TLE3: variants seen among roughly 807,000 people sequenced by gnomAD.
TLE3 encodes the protein transducin-like enhancer protein 3.
A neutral mutation model predicts 93.0 loss-of-function variants in TLE3; 14 were observed. That is an observed-to-expected ratio of 0.15 (90% CI 0.10 to 0.24). The LOEUF (loss-of-function observed/expected upper bound fraction) is 0.24. Ranked by LOEUF, TLE3 falls within the 10% of genes least tolerant of loss-of-function variation. The pLI, the probability that TLE3 is intolerant of heterozygous loss-of-function variation, is 1.00. For missense variants in TLE3, 693 were observed against 1,046.6 expected (o/e 0.66, Z 4.66); for synonymous variants, 451 against 425.0 (o/e 1.06, Z -0.75).
Position 70,049,817 on chromosome 15 carries a change from C to T in TLE3, c.*280G>A. Reference sequence around the variant, plus strand: ...GAGCGGGTCTGTGGGGGAACCGGAGCCATAAGCCTCCAATAAATCTATTTG... The same window carrying T: ...GAGCGGGTCTGTGGGGGAACCGGAGTCATAAGCCTCCAATAAATCTATTTG... On this transcript the variant is annotated 3_prime_UTR_variant, in exon 20 of 20. Transcript: ENST00000451782. 3.0e-6 allele frequency: 1 copy of T among 337,514 alleles called. No individual in the cohort carries two copies. Among genetic ancestry groups the T allele is most frequent in the Non-Finnish European group, 5.6e-6 (1 of 177,538 alleles). The allele number at this position is 337,514 out of a possible 1,614,324, so 20.9% of individuals were successfully genotyped here. A position where few individuals can be genotyped will look rare whatever the true frequency, so the allele number is the denominator to read the frequency against.
intron 3 of TLE3, chr15:70,095,324 T>C (rs2058500060): frequency 2.1e-6 from 3 of 1,399,462 alleles, no homozygotes; most frequent in Non-Finnish European, 2.8e-6. Context: ...TAAAGGCACA[T>C]AAAGATAGTA....
At chr15:70,055,360 C>G in intron 14 of TLE3, 62 bp from the exon 15 acceptor site, 16 of 1,525,496 alleles carry the variant, frequency 1.0e-5, no homozygotes, top group Non-Finnish European at 1.4e-5. Flanking sequence ...TTCCCATAGG[C>G]CTGGCCCAGG....
rs1372131947 is a variant in TLE3 at position 70,049,701 on chromosome 15, C to T, written c.*396G>A. On this transcript the variant is annotated 3_prime_UTR_variant, in exon 20 of 20. Transcript: ENST00000451782. ...AATCGGCAAAGAGAGACCCCCCCAT[C>T]CCCCAGCACAACATTGTGGTCCACT... The T allele has an allele frequency of 1.1e-5, 2 of 181,480 alleles. No homozygotes were observed. Among genetic ancestry groups the T allele is most frequent in the Middle Eastern group, 2.5e-3 (1 of 408 alleles). 11.2% of individuals were successfully genotyped at this position (181,480 alleles called of 1,614,324 possible).
At chr15:70,064,042 T>C (rs1027824801) in intron 8 of TLE3, among the ~76,000 whole-genome samples, 2 of 152,208 alleles carry the variant, frequency 1.3e-5, no homozygotes, top group Non-Finnish European at 2.9e-5. Context: ...GATCCAGGGC[T>C]GGTCAGCTGA....
chr15:70,095,590 G>C lies in TLE3; in HGVS notation c.177C>G (p.Arg59=). 1 of 1,551,470 alleles carries C rather than the reference G, an allele frequency of 6.4e-7. No individual in the cohort carries two copies. Among genetic ancestry groups the C allele is most frequent in the Non-Finnish European group, 8.7e-7 (1 of 1,146,864 alleles). The change falls in exon 3 of 20, where the codon CGC becomes CGG. Residue 59 remains arginine (R), a synonymous_variant. Transcript: ENST00000451782. ...GGCCGCATCTCACCATCACATAATG[G>C]CGCTGCATCTCCGTCTTCTCGTTTG... ...KLANEKTEMQ[R]HYVMYYEMSY...
chr15:70,086,816 G>A (rs78194834), intron 4 of TLE3, among the ~76,000 whole-genome samples: 4,151 of 152,136 alleles, frequency 0.027, 194 homozygotes, highest in African/African-American at 0.095. Context: ...TGTCTCTTCC[G>A]CATCTCTGCT....
Position 70,066,002 on chromosome 15 carries a change from G to GGCCCCCCC in TLE3, c.577+11_577+12insGGGGGGGC. On this transcript the variant is annotated intron_variant, in intron 7 of 19. Transcript: ENST00000451782. ...CTGCCCCGCCCCACCCTCTGCCCCA[G>GGCCCCCCC]CCCAGCCGCACCTCTGTGATCGAGT... The GGCCCCCCC allele has an allele frequency of 5.2e-6, 4 of 765,988 alleles. No homozygotes were observed. The highest frequency in any genetic ancestry group is 8.6e-6 in the Non-Finnish European group (4 of 466,000). The allele number at this position is 765,988 out of a possible 1,614,324, so 47.4% of individuals were successfully genotyped here.
At chr15:70,060,025 C>T (rs549154041) in intron 9 of TLE3, among the ~76,000 whole-genome samples, 6 of 152,366 alleles carry the variant, frequency 3.9e-5, no homozygotes, top group African/African-American at 1.2e-4. Flanking sequence ...TCCCAGCTCT[C>T]AGCCCTGCAC....
chr15:70,062,408 T>C (rs2056549377), intron 8 of TLE3, among the ~76,000 whole-genome samples: 1 of 152,220 alleles, frequency 6.6e-6, no homozygotes, highest in Admixed American at 6.5e-5. Flanking sequence ...CGGCTGCTCG[T>C]GTTTCTCCTC....
In TLE3 at chr15:70,097,451, G is replaced by A. The variant is rs1289061254; in HGVS notation, c.-653C>T. 1 of 417,744 alleles carries A rather than the reference G, an allele frequency of 2.4e-6. No homozygotes were observed. Among genetic ancestry groups the A allele is most frequent in the Admixed American group, 4.3e-5 (1 of 23,006 alleles). 25.9% of individuals were successfully genotyped at this position (417,744 alleles called of 1,614,324 possible). On this transcript the variant is annotated 5_prime_UTR_variant, in exon 1 of 20. Transcript: ENST00000451782. ...GCCTGCTGTTCCGTCTGCTACTGCC[G>A]CTGCCGCCGCCGCCGCCGCCGCTGC... is the stretch of plus-strand genomic sequence containing the variant.
In TLE3 at chr15:70,097,793, C is replaced by T. The variant is rs940767321; in HGVS notation, c.-995G>A. On this transcript the variant is annotated 5_prime_UTR_variant, in exon 1 of 20. Transcript: ENST00000451782. The stretch of plus-strand genomic sequence containing the variant: ...CACACACACCCAACACACACACACG[C>T]GCGCACGCACACACACACACACCAA... 1.6e-5 allele frequency: 6 copies of T among 368,708 alleles called. No individual in the cohort carries two copies. Among genetic ancestry groups the T allele is most frequent in the African/African-American group, 2.4e-5 (1 of 41,672 alleles). The allele number at this position is 368,708 out of a possible 1,614,324, so 22.8% of individuals were successfully genotyped here. A position where few individuals can be genotyped will look rare whatever the true frequency, so the allele number is the denominator to read the frequency against.
chr15:70,054,613 T>C lies in TLE3; in HGVS notation c.1651A>G (p.Ser551Gly). 1 of 1,612,440 alleles carries C rather than the reference T, an allele frequency of 6.2e-7. No homozygotes were observed. Among genetic ancestry groups the C allele is most frequent in the Non-Finnish European group, 8.5e-7 (1 of 1,179,106 alleles). ...GRTLIVGGEA[S>G]TLTIWDLASP... ...GCCAGGTCCCAGATGGTGAGCGTGCTGGCCTCGCCGCCCACGATGAGCGTG... is the reference window on the plus strand; with the variant it reads ...GCCAGGTCCCAGATGGTGAGCGTGCCGGCCTCGCCGCCCACGATGAGCGTG... Residue 551 changes from serine to glycine, a missense_variant, in exon 16 of 20, where the codon AGC (serine) becomes GGC (glycine). Transcript: ENST00000451782.
rs1188904643 is a variant in TLE3, at chr15:70,064,461, G to A, written c.587C>T (p.Ser196Phe). The A allele has an allele frequency of 1.9e-6, 3 of 1,613,772 alleles. No individual in the cohort carries two copies. The highest frequency in any genetic ancestry group is 8.5e-7 in the Non-Finnish European group (1 of 1,179,854). Residue 196 changes from serine to phenylalanine, a missense_variant, in exon 8 of 20, where the codon TCC (serine) becomes TTC (phenylalanine). Coordinates refer to ENST00000451782, the MANE Select transcript of TLE3 (RefSeq NM_001105192.3). ...HHELDHRERE[S>F]SANNSVSPSE... ...CAGAGTGCCAACACTTACCGCACTG[G>A]ATTCTCTCTCTTTGGGGAAAGAAGG... is the stretch of plus-strand genomic sequence containing the variant.
chr15:70,084,927 T>A (rs1055543288), intron 4 of TLE3, among the ~76,000 whole-genome samples: 1 of 152,220 alleles, frequency 6.6e-6, no homozygotes, highest in Non-Finnish European at 1.5e-5. Flanking sequence ...GCTATATGCA[T>A]CCTTCATGGC....
At chr15:70,052,910 G>T (rs2055675276) in intron 17 of TLE3, 2 of 347,944 alleles carry the variant, frequency 5.7e-6, no homozygotes, top group African/African-American at 4.1e-5. Flanking sequence ...ATCATTTCAG[G>T]TGCCCACATC....
intron 9 of TLE3, among the ~76,000 whole-genome samples, 168 bp downstream of exon 9, chr15:70,060,362 T>G (rs1338199392): frequency 1.3e-5 from 2 of 152,124 alleles, no homozygotes; most frequent in Non-Finnish European, 2.9e-5. Context: ...AACTTCACCC[T>G]AGCCCTGTTC....
intron 4 of TLE3, among the ~76,000 whole-genome samples, chr15:70,080,407 T>C (rs587524): frequency 0.028 from 4,271 of 152,168 alleles, 195 homozygotes; most frequent in African/African-American, 0.098. Flanking sequence ...GCTTTGTTGG[T>C]GGAAAAACAT....
chr15:70,048,489 C>T lies in TLE3; in HGVS notation c.*1608G>A, dbSNP rs530979647. 2 of 152,278 alleles carry T rather than the reference C, an allele frequency of 1.3e-5. No individual in the cohort carries two copies. The highest frequency in any genetic ancestry group is 1.9e-4 in the East Asian group (1 of 5,170). The allele number at this position is 152,278 out of a possible 1,614,324, so 9.4% of individuals were successfully genotyped here. A position where few individuals can be genotyped will look rare whatever the true frequency, so the allele number is the denominator to read the frequency against. ...GTGGGTGGCTTTCCCTGGAGCCCCT[C>T]CCACCTCCTCAGCAGACGGAATCAC... is the stretch of plus-strand genomic sequence containing the variant. On this transcript the variant is annotated 3_prime_UTR_variant, in exon 20 of 20. Coordinates refer to ENST00000451782, the MANE Select transcript of TLE3 (RefSeq NM_001105192.3).
At chr15:70,059,125 C>A (rs965126550) in intron 10 of TLE3, among the ~76,000 whole-genome samples, 1 of 152,094 alleles carries the variant, frequency 6.6e-6, no homozygotes, top group East Asian at 1.9e-4. Context: ...CCTGGGGGGA[C>A]GGAGGATCAC....
Sources: gnomAD v4.1 joint callset for allele counts (sites outside exome capture counted in the v4.1 genomes callset) on GRCh38, gnomAD v4.1.1 for gene constraint, MANE v1.5 for transcripts, NCBI Gene and HGNC (gene_info 2026-07-23, HGNC 2026-07-21) for gene names.